RGL3: variants seen among roughly 807,000 people sequenced by gnomAD.
RGL3 encodes ral guanine nucleotide dissociation stimulator like 3.
In RGL3, 85 loss-of-function variants were observed where a neutral mutation model predicts 90.6. That is an observed-to-expected ratio of 0.94 (90% CI 0.79 to 1.12). The LOEUF (loss-of-function observed/expected upper bound fraction) is 1.12, where lower values mean the gene tolerates loss of function less well. Among genes scored for constraint, RGL3 ranks in the 50% most tolerant of loss-of-function variants. RGL3 has a pLI of 0.00. For missense variants in RGL3, 1,034 were observed against 939.2 expected, an observed-to-expected ratio of 1.10 and a Z score of -1.32; for synonymous variants, 408 against 385.5, an observed-to-expected ratio of 1.06 and a Z score of -0.68.
intron 9 of RGL3, among the ~76,000 whole-genome samples, chr19:11,404,356 C>T (rs562355820): frequency 3.3e-5 from 5 of 152,234 alleles, no homozygotes; most frequent in African/African-American, 9.6e-5. Flanking sequence ...GGCAAAACCC[C>T]GTCTCTACCA....
chr19:11,418,530 T>C (rs1183521620), intron 2 of RGL3, 141 bp downstream of exon 2: 10 of 630,186 alleles, frequency 1.6e-5, no homozygotes, highest in Non-Finnish European at 2.7e-5. Flanking sequence ...GTCCCCTTTC[T>C]ACCTGGTCGC....
At chr19:11,413,544 AAAAAAAAAAAAAG>A (rs1171093898) in intron 5 of RGL3, among the ~76,000 whole-genome samples, 1 of 147,530 alleles carries the variant, frequency 6.8e-6, no homozygotes, top group East Asian at 2.0e-4. Context: ...CAAAAAAAAA[AAAAAAAAAAAAAG>A]GGCAGGGTCA....
intron 13 of RGL3, among the ~76,000 whole-genome samples, chr19:11,401,549 C>G (rs992451605): frequency 8.6e-5 from 13 of 151,898 alleles, no homozygotes; most frequent in African/African-American, 3.1e-4. Flanking sequence ...GCGCCTGCCA[C>G]TACACCTGGC....
At chr19:11,396,240 T>C (rs1419893421) in intron 18 of RGL3, among the ~76,000 whole-genome samples, 2 of 134,844 alleles carry the variant, frequency 1.5e-5, no homozygotes, top group African/African-American at 5.5e-5. Context: ...CGATCTCGGC[T>C]CACTGCAACC....
intron 13 of RGL3, among the ~76,000 whole-genome samples, 193 bp from the exon 14 acceptor site, chr19:11,400,490 T>G (rs1968655778): frequency 6.6e-6 from 1 of 151,996 alleles, no homozygotes; most frequent in Non-Finnish European, 1.5e-5. Flanking sequence ...TGGGACAGGA[T>G]GGCTGGTCAG....
At chr19:11,401,930 G>T in intron 13 of RGL3, 81 bp downstream of exon 13, 1 of 1,486,746 alleles carries the variant, frequency 6.7e-7, no homozygotes, top group Non-Finnish European at 8.9e-7. Context: ...AGGAGCTGGA[G>T]GTGTGTATGG....
At chr19:11,409,072 G>C (rs1436603905) in intron 5 of RGL3, among the ~76,000 whole-genome samples, 3 of 151,938 alleles carry the variant, frequency 2.0e-5, no homozygotes, top group Non-Finnish European at 4.4e-5. Flanking sequence ...AGCTCGGGAG[G>C]CTAAGGCTAG....
chr19:11,394,499 G>T lies in RGL3; in HGVS notation c.2036C>A (p.Ala679Asp). ...TGGACTCATGGCATAGAAGACGTTG[G>T]CATTGTCAGGAATCAGGAGCACTGG... is the stretch of plus-strand genomic sequence containing the variant. ...GDRVLLIPDN[A>D]NVFYAMSPVA... is the part of the protein sequence containing the mutation. The change falls in exon 19 of 19, where the codon GCC (alanine) becomes GAC (aspartate). Residue 679 changes from alanine (A) to aspartate (D), a missense_variant. Transcript: ENST00000380456. 6.2e-7 allele frequency: 1 copy of T among 1,613,928 alleles called. No homozygotes were observed. Among genetic ancestry groups the T allele is most frequent in the Non-Finnish European group, 8.5e-7 (1 of 1,179,914 alleles).
intron 7 of RGL3, 68 bp from the exon 8 acceptor site, chr19:11,405,494 CTTTTTTTTTTTTTTTTTTTTTTTTT>C (rs771398199): frequency 0.064 from 10,518 of 163,508 alleles, 729 homozygotes; most frequent in African/African-American, 0.25. Flanking sequence ...ACTTCTTCAT[CTTTTTTTTTTTTTTTTTTTTTTTTT>C]TTTTTTTTTT....
intron 5 of RGL3, among the ~76,000 whole-genome samples, chr19:11,410,262 A>G (rs75611906): frequency 0.017 from 2,519 of 151,858 alleles, 44 homozygotes; most frequent in East Asian, 0.052. Context: ...CGGCTTCCCA[A>G]CGTGCTGGGA....
In RGL3 at chr19:11,417,020, T is replaced by C; in HGVS notation, c.187A>G (p.Thr63Ala). 1 of 1,612,186 alleles carries C rather than the reference T, an allele frequency of 6.2e-7. No individual in the cohort carries two copies. Among genetic ancestry groups the C allele is most frequent in the Non-Finnish European group, 8.5e-7 (1 of 1,179,024 alleles). ...GCCCTCAGCACCCTCACCTTGCTGG[T>C]TCGATAGTGGAGGAAGGTATTGGCA... ...PIANTFLHYR[T>A]SKVRVLRAAR... Residue 63 changes from threonine to alanine, a missense_variant, in exon 3 of 19, where the codon ACC becomes GCC. Thr to Ala is a moderately conservative substitution (Grantham distance 58, BLOSUM62 0). Coordinates refer to ENST00000380456, the MANE Select transcript of RGL3 (RefSeq NM_001035223.4).
At position 11,414,448 on chromosome 19, in the gene RGL3, T is replaced by TATATATATATACCTTCATATATATAC. The variant is rs1568341864; in HGVS notation, c.637+1488_637+1489insGTATATATATGAAGGTATATATATAT. On this transcript the variant is annotated intron_variant, in intron 5 of 18. Transcript: ENST00000380456. ...ATATATATACCTTCATATATATACA[T>TATATATATATACCTTCATATATATAC]ATATATATATACCTTCATATATATA... 1.7e-3 allele frequency among the ~76,000 whole-genome samples: 126 copies of TATATATATATACCTTCATATATATAC among 73,144 alleles called. 9 individuals carry two copies. Among genetic ancestry groups the TATATATATATACCTTCATATATATAC allele is most frequent in the African/African-American group, 0.01 (120 of 11,630 alleles). 48.0% of individuals were successfully genotyped at this position (73,144 alleles called of 152,430 possible). A position where few individuals can be genotyped will look rare whatever the true frequency, so the allele number is the denominator to read the frequency against.
intron 7 of RGL3, 100 bp downstream of exon 7, chr19:11,406,319 T>C: frequency 8.3e-7 from 1 of 1,204,446 alleles, no homozygotes; most frequent in Non-Finnish European, 1.2e-6. Context: ...CCCCGTTCCC[T>C]CCCTCGCCTA....
chr19:11,400,728 G>T (rs1347229014), intron 13 of RGL3, among the ~76,000 whole-genome samples: 1 of 151,840 alleles, frequency 6.6e-6, no homozygotes, highest in African/African-American at 2.4e-5. Context: ...GGTAGCTCGC[G>T]CCTGTAATTG....
chr19:11,416,233 T>C, intron 4 of RGL3, 85 bp from the exon 5 acceptor site: 1 of 987,110 alleles, frequency 1.0e-6, no homozygotes, highest in Non-Finnish European at 1.4e-6. Context: ...TTTTTTTTTT[T>C]TTTGAGATAG....
At position 11,418,454 on chromosome 19, in the gene RGL3, C is replaced by G. The variant is rs895649878; in HGVS notation, c.147+217G>C. ...GTTGTCCCTAGGCTCCTCTCGGGAA[C>G]TGCGCGGCCATCGCCTGGCCCCACC... On this transcript the variant is annotated intron_variant, in intron 2 of 18. Transcript: ENST00000380456. 57 of 579,568 alleles carry G rather than the reference C, an allele frequency of 9.8e-5. 1 individual carries two copies. Among genetic ancestry groups the G allele is most frequent in the South Asian group, 9.3e-4 (45 of 48,560 alleles). The allele number at this position is 579,568 out of a possible 1,614,324, so 35.9% of individuals were successfully genotyped here.
Position 11,405,436 on chromosome 19 carries a change from G to A in RGL3, c.997-10C>T, listed in dbSNP as rs1452314727. On this transcript the variant is annotated splice_polypyrimidine_tract_variant and intron_variant, in intron 7 of 18. Transcript: ENST00000380456. Reference sequence around the variant, plus strand: ...GCAGTTCTCGGCAGCGCTGCCAGGCGGTGGGGACGCAGGTCAGACCCAGGC... The same window carrying A: ...GCAGTTCTCGGCAGCGCTGCCAGGCAGTGGGGACGCAGGTCAGACCCAGGC... The A allele has an allele frequency of 8.3e-6, 13 of 1,570,188 alleles. No individual in the cohort carries two copies. In the East Asian group the frequency reaches 2.6e-4, roughly 31 times the overall value.
At chr19:11,412,770 T>A (rs1229838438) in intron 5 of RGL3, among the ~76,000 whole-genome samples, 1 of 151,556 alleles carries the variant, frequency 6.6e-6, no homozygotes, top group Non-Finnish European at 1.5e-5. Flanking sequence ...ATCGAGACCA[T>A]CTTGGCTAGC....
At chr19:11,401,886 A>G (rs1968681513) in intron 13 of RGL3, 125 bp downstream of exon 13, 1 of 1,231,558 alleles carries the variant, frequency 8.1e-7, no homozygotes, top group Admixed American at 2.4e-5. Context: ...CACAGGTTGT[A>G]GTGGGGGATC....
Sources: gnomAD v4.1 joint callset for allele counts (sites outside exome capture counted in the v4.1 genomes callset) on GRCh38, gnomAD v4.1.1 for gene constraint, MANE v1.5 for transcripts, NCBI Gene and HGNC (gene_info 2026-07-23, HGNC 2026-07-21) for gene names.